Variants in ST6GALNAC3 observed in about 807,000 individuals in gnomAD.
ST6GALNAC3 encodes alpha-N-acetylgalactosaminide alpha-2,6-sialyltransferase 3.
In ST6GALNAC3, 25 loss-of-function variants were observed where a neutral mutation model predicts 32.7. That is an observed-to-expected ratio of 0.76 (90% confidence interval 0.56 to 1.07). ST6GALNAC3 has a LOEUF of 1.07. Ranked by LOEUF, ST6GALNAC3 falls within the 50% of genes least tolerant of loss-of-function variation. The probability of loss-of-function intolerance (pLI) is 0.00; values close to 1 mark genes in which losing one functional copy is unlikely to be tolerated. For synonymous variants in ST6GALNAC3, 129 were observed against 133.1 expected (o/e 0.97, Z 0.21); for missense variants, 355 against 382.4 (o/e 0.93, Z 0.60).
At chr1:76,226,370 T>A (rs748334050) in intron 1 of ST6GALNAC3, among the ~76,000 whole-genome samples, 5 of 152,204 alleles carry the variant, frequency 3.3e-5, no homozygotes, top group African/African-American at 4.8e-5. Context: ...CATGGCTTCC[T>A]TCGGTCTAGT....
At chr1:76,489,471 T>C (rs1407046786) in intron 3 of ST6GALNAC3, among the ~76,000 whole-genome samples, 2 of 152,128 alleles carry the variant, frequency 1.3e-5, no homozygotes, top group Non-Finnish European at 2.9e-5. Flanking sequence ...TCTTGCTCTC[T>C]GTCTCTCTCT....
At chr1:76,554,595 G>A (rs1228539434) in intron 3 of ST6GALNAC3, among the ~76,000 whole-genome samples, 1 of 152,166 alleles carries the variant, frequency 6.6e-6, no homozygotes, top group African/African-American at 2.4e-5. Flanking sequence ...CTTGATGTGT[G>A]TGTGGTGGAG....
At chr1:76,485,726 AG>A (rs1473488143) in intron 3 of ST6GALNAC3, among the ~76,000 whole-genome samples, 1 of 151,616 alleles carries the variant, frequency 6.6e-6, no homozygotes, top group Non-Finnish European at 1.5e-5. Flanking sequence ...TATCTCCTTC[AG>A]TTCTTCTCTG....
intron 2 of ST6GALNAC3, among the ~76,000 whole-genome samples, chr1:76,343,435 A>G (rs1272929673): frequency 6.6e-6 from 1 of 152,220 alleles, no homozygotes; most frequent in African/African-American, 2.4e-5. Context: ...CCCTATCAGG[A>G]GAAACGAAAA....
intron 1 of ST6GALNAC3, among the ~76,000 whole-genome samples, chr1:76,125,722 G>A (rs1450960571): frequency 6.6e-6 from 1 of 152,132 alleles, no homozygotes; most frequent in Admixed American, 6.6e-5. Context: ...GTTGTTGACC[G>A]CTTCTGGCAT....
chr1:76,238,465 A>G (rs958261258), intron 1 of ST6GALNAC3, among the ~76,000 whole-genome samples: 3 of 152,116 alleles, frequency 2.0e-5, no homozygotes, highest in Non-Finnish European at 4.4e-5. Flanking sequence ...ACATCCACAG[A>G]CATTTGTTGA....
chr1:76,171,571 A>G (rs568332447), intron 1 of ST6GALNAC3, among the ~76,000 whole-genome samples: 1 of 152,184 alleles, frequency 6.6e-6, no homozygotes, highest in African/African-American at 2.4e-5. Flanking sequence ...GAGGGAGAAG[A>G]ATCAAATAGA....
intron 3 of ST6GALNAC3, among the ~76,000 whole-genome samples, chr1:76,575,293 T>A (rs1646782990): frequency 6.6e-6 from 1 of 152,126 alleles, no homozygotes; most frequent in South Asian, 2.1e-4. Context: ...CATCTTGTGA[T>A]TTTCAATGGA....
intron 1 of ST6GALNAC3, among the ~76,000 whole-genome samples, chr1:76,272,324 G>GAAAA (rs55839101): frequency 1.2e-4 from 13 of 112,052 alleles, no homozygotes; most frequent in Non-Finnish European, 1.6e-4. Flanking sequence ...CTCAGTCTCG[G>GAAAA]AAAAAAAAAA....
intron 3 of ST6GALNAC3, among the ~76,000 whole-genome samples, chr1:76,494,743 G>A (rs1289132372): frequency 4.6e-5 from 6 of 130,386 alleles, no homozygotes; most frequent in Non-Finnish European, 8.0e-5. Context: ...TCATGTGTAT[G>A]CACACACACA....
chr1:76,403,111 G>T (rs1321997761), intron 2 of ST6GALNAC3, among the ~76,000 whole-genome samples: 1 of 152,014 alleles, frequency 6.6e-6, no homozygotes, highest in Non-Finnish European at 1.5e-5. Context: ...AGCTTTATAT[G>T]CTGGCAGGAA....
At chr1:76,308,120 T>A (rs1661174399) in intron 1 of ST6GALNAC3, among the ~76,000 whole-genome samples, 1 of 152,160 alleles carries the variant, frequency 6.6e-6, no homozygotes, top group African/African-American at 2.4e-5. Context: ...TTCTCAGAAC[T>A]TATATGGATA....
chr1:76,140,553 G>T (rs1650245819), intron 1 of ST6GALNAC3, among the ~76,000 whole-genome samples: 1 of 151,640 alleles, frequency 6.6e-6, no homozygotes, highest in Non-Finnish European at 1.5e-5. Context: ...GAAATTGCCT[G>T]TTTACTTCTG....
chr1:76,163,660 G>T (rs1445038875), intron 1 of ST6GALNAC3, among the ~76,000 whole-genome samples: 1 of 152,074 alleles, frequency 6.6e-6, no homozygotes, highest in Non-Finnish European at 1.5e-5. Context: ...TTCTGTGTTG[G>T]TGATTATAAA....
chr1:76,275,776 T>C (rs980781090), intron 1 of ST6GALNAC3, among the ~76,000 whole-genome samples: 8 of 152,278 alleles, frequency 5.3e-5, no homozygotes, highest in South Asian at 2.1e-4. Context: ...TAAATAAGAG[T>C]ATTTACTGTC....
In ST6GALNAC3 at chr1:76,341,682, CTTCTTTCTTTCT is replaced by C. The variant is rs1281081058; in HGVS notation, c.213+27695_213+27706del. Among the ~76,000 whole-genome samples, 4 of 36,050 alleles carry C rather than the reference CTTCTTTCTTTCT, an allele frequency of 1.1e-4. No homozygotes were observed. In the East Asian group the frequency reaches 3.1e-3, roughly 28 times the overall value. 23.7% of individuals were successfully genotyped at this position (36,050 alleles called of 152,430 possible). On this transcript the variant is annotated intron_variant, in intron 2 of 4. Transcript: ENST00000328299. ...CTTTCTTTCTTTCTTTCTTTCTTTC[CTTCTTTCTTTCT>C]TTCTTTCTTTCCTTCTTTCTTTCTT...
chr1:76,199,317 T>G (rs1161303053), intron 1 of ST6GALNAC3, among the ~76,000 whole-genome samples: 1 of 152,264 alleles, frequency 6.6e-6, no homozygotes, highest in African/African-American at 2.4e-5. Context: ...TGCTGAATTC[T>G]GTAGAGGCTT....
At chr1:76,474,796 T>C (rs1252361164) in intron 3 of ST6GALNAC3, among the ~76,000 whole-genome samples, 1 of 152,128 alleles carries the variant, frequency 6.6e-6, no homozygotes. Flanking sequence ...GGGAGAGGAC[T>C]CTTGTGAAGA....
intron 3 of ST6GALNAC3, among the ~76,000 whole-genome samples, chr1:76,484,083 G>C (rs556748770): frequency 2.6e-5 from 4 of 152,154 alleles, no homozygotes; most frequent in East Asian, 1.9e-4. Flanking sequence ...TAGTCTATAT[G>C]TCTGTTTTGG....
Sources: allele counts gnomAD v4.1 joint callset (sites outside exome capture counted in the v4.1 genomes callset), GRCh38; gene constraint gnomAD v4.1.1; transcripts MANE v1.5; gene names NCBI Gene and HGNC (gene_info 2026-07-23, HGNC 2026-07-21).